Variants in EFHC1 observed in about 807,000 individuals in gnomAD.
EFHC1 encodes the protein EF-hand domain containing 1.
EFHC1 carries 53 observed loss-of-function variants against 69.9 expected under a neutral mutation model. The ratio of observed to expected loss-of-function variants is 0.76; its 90% CI spans 0.61 to 0.95. The LOEUF is 0.95. EFHC1 is among the 40% of genes least tolerant of loss of function. The pLI is 0.00. For synonymous variants in EFHC1, 256 were observed against 278.4 expected, an observed-to-expected ratio of 0.92 and a Z score of 0.80; for missense variants, 739 against 798.7, an observed-to-expected ratio of 0.93 and a Z score of 0.90.
rs189228898 is a variant in EFHC1 at position 52,479,291 on chromosome 6, G to A, written c.1492+41G>A. On this transcript the variant is annotated intron_variant, in intron 8 of 10. Coordinates refer to ENST00000371068, the MANE Select transcript of EFHC1 (RefSeq NM_018100.4). Reference sequence around the variant, plus strand: ...GTCCAGAATTTCCTACTGGCTGCCTGAATGAGTTCTTAATTGGAATTTAAT... The same window carrying A: ...GTCCAGAATTTCCTACTGGCTGCCTAAATGAGTTCTTAATTGGAATTTAAT... The A allele has an allele frequency of 6.9e-5, 110 of 1,600,414 alleles. No homozygotes were observed. The African/African-American group carries it at 1.4e-3, about 21-fold the overall frequency.
intron 3 of EFHC1, among the ~76,000 whole-genome samples, chr6:52,449,740 A>G (rs918074690): frequency 1.3e-5 from 2 of 152,106 alleles, no homozygotes; most frequent in Non-Finnish European, 2.9e-5. Context: ...CTAGTGGCCT[A>G]TCTTTTTAAT....
At chr6:52,484,991 C>A (rs1765756756) in intron 9 of EFHC1, among the ~76,000 whole-genome samples, 1 of 151,648 alleles carries the variant, frequency 6.6e-6, no homozygotes. Flanking sequence ...AAATATAATC[C>A]ATATCATTAA....
rs542076667 is a variant in EFHC1, at chr6:52,452,219, A to C, written c.574-469A>C. Among the ~76,000 whole-genome samples, 3 of 152,354 alleles carry C rather than the reference A, an allele frequency of 2.0e-5. No individual in the cohort carries two copies. The East Asian group carries it at 5.8e-4, about 29-fold the overall frequency. On this transcript the variant is annotated intron_variant, in intron 3 of 10. Transcript: ENST00000371068. Reference sequence around the variant, plus strand: ...CATTATGGAGTTGGCTCAGTTGGAGACTTAATACAGCTTACATGCGCTCAA... The same window carrying C: ...CATTATGGAGTTGGCTCAGTTGGAGCCTTAATACAGCTTACATGCGCTCAA...
chr6:52,420,967 A>G, intron 1 of EFHC1: 1 of 1,027,742 alleles, frequency 9.7e-7, no homozygotes, highest in Non-Finnish European at 1.2e-6. Context: ...TTCCCGCCCC[A>G]CCTCTTCCTC....
At chr6:52,427,957 T>G (rs894745676) in intron 2 of EFHC1, among the ~76,000 whole-genome samples, 3 of 152,140 alleles carry the variant, frequency 2.0e-5, no homozygotes, top group African/African-American at 7.2e-5. Flanking sequence ...ATTCTAATTC[T>G]GGGTCTCCTA....
chr6:52,434,284 CT>C (rs1203848555), intron 2 of EFHC1, among the ~76,000 whole-genome samples: 4 of 152,294 alleles, frequency 2.6e-5, no homozygotes, highest in Admixed American at 2.6e-4. Flanking sequence ...TCTGGCTGCC[CT>C]CCCCAAGTAC....
chr6:52,454,433 T>C (rs1764994323), intron 5 of EFHC1, 146 bp downstream of exon 5: 1 of 988,102 alleles, frequency 1.0e-6, no homozygotes, highest in African/African-American at 1.6e-5. Flanking sequence ...TCCCACAGCT[T>C]TCCTCCTTTA....
chr6:52,470,598 G>A (rs1765415800), intron 7 of EFHC1, among the ~76,000 whole-genome samples: 1 of 152,202 alleles, frequency 6.6e-6, no homozygotes, highest in South Asian at 2.1e-4. Context: ...TAATTGTCTT[G>A]TCCCAGGTCC....
At chr6:52,471,103 C>G (rs967157382) in intron 7 of EFHC1, among the ~76,000 whole-genome samples, 10 of 152,190 alleles carry the variant, frequency 6.6e-5, no homozygotes, top group African/African-American at 2.4e-4. Context: ...ATGAGAACCG[C>G]AGAAGTGAAC....
intron 8 of EFHC1, 100 bp downstream of exon 8, chr6:52,479,350 T>G: frequency 7.7e-7 from 1 of 1,302,776 alleles, no homozygotes; most frequent in Admixed American, 1.8e-5. Flanking sequence ...TTAGATTGTA[T>G]TGCAACTGAG....
chr6:52,473,836 T>G (rs969390236), intron 7 of EFHC1, among the ~76,000 whole-genome samples: 31 of 152,096 alleles, frequency 2.0e-4, no homozygotes, highest in African/African-American at 7.0e-4. Context: ...AGATAAAGAA[T>G]TTCTGTTCTT....
chr6:52,493,818 G>T lies in EFHC1; in HGVS notation c.*1477G>T, dbSNP rs1270389693. On this transcript the variant is annotated 3_prime_UTR_variant, in exon 11 of 11. Transcript: ENST00000371068. ...AGCCACTAAGTTCATCTTTAAACAT[G>T]CTATCTCAAATTCCCCGAAGCCACC... The T allele has an allele frequency of 4.4e-6, 2 of 454,038 alleles. No individual in the cohort carries two copies. The highest frequency in any genetic ancestry group is 4.4e-6 in the Non-Finnish European group (1 of 226,780). The allele number at this position is 454,038 out of a possible 1,614,324, so 28.1% of individuals were successfully genotyped here.
At chr6:52,457,577 T>G (rs1301258583) in intron 5 of EFHC1, among the ~76,000 whole-genome samples, 1 of 152,212 alleles carries the variant, frequency 6.6e-6, no homozygotes, top group Non-Finnish European at 1.5e-5. Flanking sequence ...ATATTTATAA[T>G]GGATGGAGTT....
At chr6:52,454,824 G>A (rs774535434) in intron 5 of EFHC1, among the ~76,000 whole-genome samples, 15 of 152,162 alleles carry the variant, frequency 9.9e-5, no homozygotes, top group Non-Finnish European at 1.8e-4. Context: ...GGGCATGATG[G>A]CTCACTCCTG....
intron 2 of EFHC1, among the ~76,000 whole-genome samples, chr6:52,433,726 C>A (rs559109112): frequency 3.3e-5 from 5 of 152,226 alleles, no homozygotes; most frequent in Admixed American, 2.6e-4. Context: ...AGTGGGTGGG[C>A]CCCTAGAACT....
Position 52,497,148 on chromosome 6 carries a change from T to A in EFHC1, c.*4807T>A, listed in dbSNP as rs1206740758. 1 of 152,176 alleles carries A rather than the reference T, an allele frequency of 6.6e-6. No individual in the cohort carries two copies. Among genetic ancestry groups the A allele is most frequent in the Non-Finnish European group, 1.5e-5 (1 of 68,044 alleles). The allele number at this position is 152,176 out of a possible 1,614,324, so 9.4% of individuals were successfully genotyped here. A position where few individuals can be genotyped will look rare whatever the true frequency, so the allele number is the denominator to read the frequency against. On this transcript the variant is annotated 3_prime_UTR_variant, in exon 11 of 11. Coordinates refer to ENST00000371068, the MANE Select transcript of EFHC1 (RefSeq NM_018100.4). ...TGTTAAGAAAACCTCTTTTCCACTT[T>A]ACTATTAAAGAGTCAAATAAAAATG...
chr6:52,477,809 C>G (rs185847204), intron 7 of EFHC1, among the ~76,000 whole-genome samples: 1 of 152,282 alleles, frequency 6.6e-6, no homozygotes, highest in African/African-American at 2.4e-5. Context: ...GAAATAGGAA[C>G]ACTTTTACAC....
At position 52,450,303 on chromosome 6, in the gene EFHC1, G is replaced by A. The variant is rs13362648; in HGVS notation, c.574-2385G>A. Reference sequence around the variant, plus strand: ...CTGTTGTTTTTGGGTGGAAGGTTCTGTAGAGGTAGGTCACATCCATTTGGT... The same window carrying A: ...CTGTTGTTTTTGGGTGGAAGGTTCTATAGAGGTAGGTCACATCCATTTGGT... On this transcript the variant is annotated intron_variant, in intron 3 of 10. Coordinates refer to ENST00000371068, the MANE Select transcript of EFHC1 (RefSeq NM_018100.4). Among the ~76,000 whole-genome samples, 1,380 of 152,298 alleles carry A rather than the reference G, an allele frequency of 9.1e-3. 23 individuals are homozygous for A. The highest frequency in any genetic ancestry group is 0.031 in the African/African-American group (1,298 of 41,558).
At position 52,463,120 on chromosome 6, in the gene EFHC1, C is replaced by T. The variant is rs190559023; in HGVS notation, c.917-1775C>T. ...TCGGCTCACTGCAAGCTCCGCCTCCCGGGTTCACACCATTCTCCCGCCTCA... is the reference window on the plus strand; with the variant it reads ...TCGGCTCACTGCAAGCTCCGCCTCCTGGGTTCACACCATTCTCCCGCCTCA... On this transcript the variant is annotated intron_variant, in intron 5 of 10. Coordinates refer to ENST00000371068, the MANE Select transcript of EFHC1 (RefSeq NM_018100.4). Among the ~76,000 whole-genome samples the T allele has an allele frequency of 4.6e-3, 691 of 151,406 alleles. 4 individuals are homozygous for T. Among genetic ancestry groups the T allele is most frequent in the African/African-American group, 0.015 (639 of 41,338 alleles).
Sources: allele counts gnomAD v4.1 joint callset (sites outside exome capture counted in the v4.1 genomes callset), GRCh38; gene constraint gnomAD v4.1.1; transcripts MANE v1.5; gene names NCBI Gene and HGNC (gene_info 2026-07-23, HGNC 2026-07-21).